TULP4: variants seen among roughly 807,000 people sequenced by gnomAD.
TULP4 encodes the protein TUB like protein 4.
A neutral mutation model predicts 129.0 loss-of-function variants in TULP4; 16 were observed. The observed-to-expected ratio is 0.12, with a 90% CI of 0.08 to 0.19. The LOEUF (loss-of-function observed/expected upper bound fraction) is 0.19. Ranked by LOEUF, TULP4 falls within the 10% of genes least tolerant of loss-of-function variation. The pLI is 1.00. For synonymous variants in TULP4, 998 were observed against 854.0 expected (o/e 1.17, Z -2.94); for missense variants, 1,842 against 2,059.1 (o/e 0.89, Z 2.04).
chr6:158,334,614 G>A (rs1418465280), intron 1 of TULP4, among the ~76,000 whole-genome samples: 3 of 150,132 alleles, frequency 2.0e-5, no homozygotes, highest in African/African-American at 7.4e-5. Flanking sequence ...CATTGTTCAG[G>A]GGTTAGCTGT....
chr6:158,441,812 A>G (rs898806317), intron 3 of TULP4, among the ~76,000 whole-genome samples: 1 of 152,182 alleles, frequency 6.6e-6, no homozygotes, highest in Non-Finnish European at 1.5e-5. Context: ...CACCGTTTCT[A>G]ACAACTCAAG....
chr6:158,439,148 G>A (rs757175189), intron 3 of TULP4, among the ~76,000 whole-genome samples: 3 of 147,966 alleles, frequency 2.0e-5, no homozygotes, highest in Non-Finnish European at 4.4e-5. Context: ...TCCAGCCTGG[G>A]TGACAGAGCA....
intron 1 of TULP4, among the ~76,000 whole-genome samples, chr6:158,245,936 C>T (rs565674543): frequency 4.5e-4 from 68 of 152,114 alleles, no homozygotes; most frequent in Middle Eastern, 6.8e-3. Flanking sequence ...AAAGACTGCA[C>T]CAACTGGTTT....
At chr6:158,284,792 G>C (rs1778809231) in intron 1 of TULP4, among the ~76,000 whole-genome samples, 1 of 152,126 alleles carries the variant, frequency 6.6e-6, no homozygotes, top group South Asian at 2.1e-4. Flanking sequence ...TTAATTCCTG[G>C]ATTTTACAAA....
chr6:158,298,479 TC>T (rs1455318555), intron 1 of TULP4, among the ~76,000 whole-genome samples: 2 of 149,800 alleles, frequency 1.3e-5, no homozygotes, highest in East Asian at 3.9e-4. Context: ...TCTCTCCCTT[TC>T]TTTTTATATA....
chr6:158,414,594 G>A (rs760531264), intron 2 of TULP4, among the ~76,000 whole-genome samples: 7 of 152,198 alleles, frequency 4.6e-5, no homozygotes, highest in Non-Finnish European at 8.8e-5. Context: ...AGGCCTTGAG[G>A]TAGCAGCTTT....
intron 1 of TULP4, among the ~76,000 whole-genome samples, chr6:158,392,794 C>CTTTTTTTTTTTTTTTTTTTTTTTTTTTT (rs773565295): frequency 3.7e-5 from 2 of 54,642 alleles, no homozygotes; most frequent in African/African-American, 8.7e-5. Context: ...ATTTGTATTT[C>CTTTTTTTTTTTTTTTTTTTTTTTTTTTT]TTTTTTTTTT....
intron 1 of TULP4, among the ~76,000 whole-genome samples, chr6:158,327,344 G>A (rs919487927): frequency 8.5e-5 from 13 of 152,268 alleles, no homozygotes; most frequent in Admixed American, 5.2e-4. Context: ...TGGTGGAAAC[G>A]ATGCTCTTCA....
intron 1 of TULP4, among the ~76,000 whole-genome samples, chr6:158,318,757 G>A (rs1046186623): frequency 2.6e-5 from 4 of 151,320 alleles, no homozygotes; most frequent in Non-Finnish European, 4.4e-5. Flanking sequence ...ACAGAGCTTC[G>A]CTCTCTTCCC....
At chr6:158,291,806 T>G (rs1401666734) in intron 1 of TULP4, among the ~76,000 whole-genome samples, 5 of 152,250 alleles carry the variant, frequency 3.3e-5, no homozygotes, top group African/African-American at 1.2e-4. Flanking sequence ...TTAGCTGATG[T>G]CTTAATTGTA....
intron 1 of TULP4, among the ~76,000 whole-genome samples, chr6:158,357,855 G>A (rs1443923138): frequency 1.3e-5 from 2 of 152,058 alleles, no homozygotes; most frequent in East Asian, 1.9e-4. Context: ...CCTTAGTTAC[G>A]TGTCGTATTG....
rs1278873092 is a variant in TULP4 at position 158,481,561 on chromosome 6, C to A, written c.1486+272C>A. ...CCAGGCAAGGGGAAGTTGGCGCAGTCCTCCTGGGAGTGAGGGTTTCCTCTT... is the reference window on the plus strand; with the variant it reads ...CCAGGCAAGGGGAAGTTGGCGCAGTACTCCTGGGAGTGAGGGTTTCCTCTT... On this transcript the variant is annotated intron_variant, in intron 8 of 13. Coordinates refer to ENST00000367097, the MANE Select transcript of TULP4 (RefSeq NM_020245.5). The A allele has an allele frequency of 4.1e-5, 21 of 517,486 alleles. No individual in the cohort carries two copies. The South Asian group carries it at 4.7e-4, about 12-fold the overall frequency. 32.1% of individuals were successfully genotyped at this position (517,486 alleles called of 1,614,324 possible). A position where few individuals can be genotyped will look rare whatever the true frequency, so the allele number is the denominator to read the frequency against.
intron 1 of TULP4, among the ~76,000 whole-genome samples, chr6:158,236,086 ATT>A (rs1777692464): frequency 6.6e-6 from 1 of 152,140 alleles, no homozygotes; most frequent in South Asian, 2.1e-4. Flanking sequence ...GTGGTGGTAT[ATT>A]TTGCTGAATG....
intron 1 of TULP4, among the ~76,000 whole-genome samples, chr6:158,368,066 C>CAAAAAAAAAAAAAAAAAAAAAAA (rs3085241): frequency 6.2e-5 from 4 of 65,018 alleles, no homozygotes; most frequent in South Asian, 6.9e-4. Context: ...ACCCTGTCTC[C>CAAAAAAAAAAAAAAAAAAAAAAA]AAAAAAAAAA....
At chr6:158,438,708 C>A (rs961146980) in intron 3 of TULP4, among the ~76,000 whole-genome samples, 9 of 152,026 alleles carry the variant, frequency 5.9e-5, no homozygotes, top group African/African-American at 1.9e-4. Flanking sequence ...CCTCAGCCTC[C>A]TGAGTAGCTG....
chr6:158,385,015 A>T (rs705932), intron 1 of TULP4, among the ~76,000 whole-genome samples: 2 of 151,938 alleles, frequency 1.3e-5, no homozygotes, highest in African/African-American at 4.8e-5. Flanking sequence ...AATTAAGTTA[A>T]GAGTTAGTCG....
At chr6:158,435,308 G>A (rs1340989453) in intron 3 of TULP4, among the ~76,000 whole-genome samples, 1 of 151,978 alleles carries the variant, frequency 6.6e-6, no homozygotes, top group African/African-American at 2.4e-5. Context: ...CCTGTTTCTT[G>A]CCCCAGGAGC....
intron 11 of TULP4, among the ~76,000 whole-genome samples, chr6:158,496,231 C>T (rs546691560): frequency 6.6e-5 from 10 of 152,304 alleles, no homozygotes; most frequent in Non-Finnish European, 8.8e-5. Context: ...CCAGGGGGGC[C>T]GTGGCCCTCC....
At chr6:158,238,009 G>C (rs377476797) in intron 1 of TULP4, 43 of 713,674 alleles carry the variant, frequency 6.0e-5, no homozygotes, top group Middle Eastern at 3.2e-4. Context: ...ATGAGCAGGA[G>C]ATTTGAGCTG....
Sources: gnomAD v4.1 joint callset for allele counts (sites outside exome capture counted in the v4.1 genomes callset) on GRCh38, gnomAD v4.1.1 for gene constraint, MANE v1.5 for transcripts, NCBI Gene and HGNC (gene_info 2026-07-23, HGNC 2026-07-21) for gene names.